PTPRM: variants seen among roughly 807,000 people sequenced by gnomAD.
PTPRM encodes receptor-type tyrosine-protein phosphatase mu.
A neutral mutation model predicts 186.7 loss-of-function variants in PTPRM; 47 were observed. That is an observed-to-expected ratio of 0.25 (90% CI 0.20 to 0.32). The LOEUF is 0.32. PTPRM is among the 10% of genes least tolerant of loss of function. PTPRM has a pLI of 1.00. For synonymous variants in PTPRM, 668 were observed against 674.9 expected (o/e 0.99, Z 0.16); for missense variants, 1,494 against 1,865.0 (o/e 0.80, Z 3.66).
At chr18:7,693,345 T>G (rs1329724843) in intron 1 of PTPRM, among the ~76,000 whole-genome samples, 1 of 152,180 alleles carries the variant, frequency 6.6e-6, no homozygotes, top group Non-Finnish European at 1.5e-5. Flanking sequence ...TTGATGTAAC[T>G]TGTCCACAGT....
chr18:7,803,160 T>C (rs1012851242), intron 2 of PTPRM, among the ~76,000 whole-genome samples: 1 of 152,202 alleles, frequency 6.6e-6, no homozygotes, highest in African/African-American at 2.4e-5. Flanking sequence ...ACACACTTTG[T>C]AGCTTATATT....
chr18:7,912,576 A>G (rs2050330409), intron 4 of PTPRM, among the ~76,000 whole-genome samples: 1 of 152,026 alleles, frequency 6.6e-6, no homozygotes, highest in South Asian at 2.1e-4. Flanking sequence ...CAGTGGCACT[A>G]TCTCGGCTCA....
At chr18:7,926,519 A>T in intron 4 of PTPRM, 49 bp from the exon 5 acceptor site, 2 of 1,413,092 alleles carry the variant, frequency 1.4e-6, no homozygotes, top group Non-Finnish European at 1.9e-6. Flanking sequence ...GACATATATT[A>T]GTTACAAATC....
chr18:8,113,160 G>A (rs7230488), intron 11 of PTPRM, among the ~76,000 whole-genome samples: 2,015 of 152,200 alleles, frequency 0.013, 47 homozygotes, highest in African/African-American at 0.047. Flanking sequence ...TAAAATCATC[G>A]TCAGTTACAT....
chr18:7,955,667 C>T (rs1195541977), intron 7 of PTPRM, among the ~76,000 whole-genome samples: 2 of 152,138 alleles, frequency 1.3e-5, no homozygotes, highest in South Asian at 2.1e-4. Flanking sequence ...ACTCTGAGTA[C>T]CACATTGTTC....
At chr18:8,016,348 C>T (rs555968321) in intron 7 of PTPRM, among the ~76,000 whole-genome samples, 2 of 151,888 alleles carry the variant, frequency 1.3e-5, no homozygotes, top group African/African-American at 2.4e-5. Context: ...GGTGAAACCT[C>T]GTCTCTACTG....
chr18:8,157,832 T>C (rs1408577992), intron 14 of PTPRM, among the ~76,000 whole-genome samples: 1 of 152,190 alleles, frequency 6.6e-6, no homozygotes, highest in Non-Finnish European at 1.5e-5. Flanking sequence ...ATTAAAACCT[T>C]CCAGACCCAG....
chr18:7,661,931 T>G (rs1156443709), intron 1 of PTPRM, among the ~76,000 whole-genome samples: 1 of 152,174 alleles, frequency 6.6e-6, no homozygotes, highest in African/African-American at 2.4e-5. Flanking sequence ...TATGATTTTT[T>G]TTTTGAGACA....
intron 2 of PTPRM, among the ~76,000 whole-genome samples, chr18:7,845,598 GT>G (rs2046554358): frequency 6.6e-6 from 1 of 152,172 alleles, no homozygotes; most frequent in African/African-American, 2.4e-5. Context: ...GATTAGAAAT[GT>G]TTTTCTGTTG....
intron 1 of PTPRM, among the ~76,000 whole-genome samples, chr18:7,689,224 A>G (rs2039679118): frequency 6.6e-6 from 1 of 152,226 alleles, no homozygotes. Flanking sequence ...GTATCAATCA[A>G]TCAAAAACTT....
At chr18:7,944,630 C>T (rs549548516) in intron 5 of PTPRM, among the ~76,000 whole-genome samples, 6 of 152,260 alleles carry the variant, frequency 3.9e-5, no homozygotes, top group African/African-American at 7.2e-5. Context: ...GTTATACTTC[C>T]CTTAGAGTTC....
chr18:7,931,543 A>G (rs1286042796), intron 5 of PTPRM, among the ~76,000 whole-genome samples: 2 of 152,206 alleles, frequency 1.3e-5, no homozygotes, highest in Admixed American at 1.3e-4. Flanking sequence ...TCTACTGAAA[A>G]TACAAAATTT....
At chr18:8,138,863 C>T (rs902063322) in intron 13 of PTPRM, among the ~76,000 whole-genome samples, 1 of 152,100 alleles carries the variant, frequency 6.6e-6, no homozygotes, top group African/African-American at 2.4e-5. Context: ...AAGACTGTTT[C>T]GTGATCCCTT....
chr18:8,296,614 T>C (rs921763730), intron 20 of PTPRM, among the ~76,000 whole-genome samples, 159 bp downstream of exon 20: 1 of 152,226 alleles, frequency 6.6e-6, no homozygotes, highest in African/African-American at 2.4e-5. Context: ...AAGGAATAAC[T>C]GTCTACCCCC....
At chr18:7,775,914 T>C (rs2042559260) in intron 2 of PTPRM, among the ~76,000 whole-genome samples, 1 of 152,226 alleles carries the variant, frequency 6.6e-6, no homozygotes, top group Non-Finnish European at 1.5e-5. Flanking sequence ...TTTCTTTTTT[T>C]CAATGGCCCA....
intron 19 of PTPRM, among the ~76,000 whole-genome samples, chr18:8,277,849 G>A (rs986128090): frequency 6.6e-6 from 1 of 152,192 alleles, no homozygotes; most frequent in Non-Finnish European, 1.5e-5. Context: ...AACGCAGTGA[G>A]GTGCCTTTGA....
At chr18:7,957,255 A>C (rs951518276) in intron 7 of PTPRM, among the ~76,000 whole-genome samples, 2 of 151,376 alleles carry the variant, frequency 1.3e-5, no homozygotes, top group South Asian at 4.2e-4. Context: ...TGCTGTATAT[A>C]TATCCACTGA....
intron 2 of PTPRM, chr18:7,815,815 A>G (rs1035033293): frequency 1.3e-5 from 2 of 152,238 alleles, no homozygotes; most frequent in Non-Finnish European, 1.5e-5. Context: ...GAATAGATTT[A>G]ATATATGGAC....
At chr18:7,826,946 A>G (rs950045877) in intron 2 of PTPRM, among the ~76,000 whole-genome samples, 1 of 150,374 alleles carries the variant, frequency 6.7e-6, no homozygotes, top group African/African-American at 2.4e-5. Context: ...TTAAAAAAAT[A>G]AATAAATAAG....
Sources: gnomAD v4.1 joint callset for allele counts (sites outside exome capture counted in the v4.1 genomes callset) on GRCh38, gnomAD v4.1.1 for gene constraint, MANE v1.5 for transcripts, NCBI Gene and HGNC (gene_info 2026-07-23, HGNC 2026-07-21) for gene names.